The following SNX6 variants were observed in gnomAD, a reference collection of about 807,000 sequenced individuals.
SNX6 encodes sorting nexin-6.
SNX6 carries 34 observed loss-of-function variants against 63.0 expected under a neutral mutation model. The observed-to-expected ratio is 0.54, with a 90% CI of 0.41 to 0.72. The LOEUF (loss-of-function observed/expected upper bound fraction) is 0.72, where lower values mean the gene tolerates loss of function less well. Ranked by LOEUF, SNX6 falls within the 30% of genes least tolerant of loss-of-function variation. SNX6 has a pLI of 0.00. For missense variants in SNX6, 398 were observed against 471.4 expected, an observed-to-expected ratio of 0.84 and a Z score of 1.44; for synonymous variants, 170 against 164.2, an observed-to-expected ratio of 1.04 and a Z score of -0.27.
intron 11 of SNX6, chr14:34,568,792 AT>A: frequency 1.3e-5 from 13 of 979,872 alleles, no homozygotes; most frequent in Non-Finnish European, 2.1e-5. Flanking sequence ...CTTTTCCACC[AT>A]TTTTAGCCCC....
intron 2 of SNX6, chr14:34,629,422 A>G (rs1424661778): frequency 6.6e-6 from 3 of 455,816 alleles, no homozygotes; most frequent in Non-Finnish European, 1.3e-5. Flanking sequence ...TTCGGCTACT[A>G]TAAAAATCCT....
At chr14:34,573,847 T>C (rs532535331) in intron 11 of SNX6, among the ~76,000 whole-genome samples, 2 of 151,734 alleles carry the variant, frequency 1.3e-5, no homozygotes, top group Admixed American at 6.6e-5. Flanking sequence ...TTCACTATGT[T>C]GGCCAGGCTG....
chr14:34,609,851 C>T, intron 2 of SNX6, 109 bp from the exon 3 acceptor site: 1 of 714,826 alleles, frequency 1.4e-6, no homozygotes, highest in Non-Finnish European at 2.3e-6. Context: ...ATTATTAAGT[C>T]TAAAGAGGTA....
chr14:34,575,860 AT>A lies in SNX6; in HGVS notation c.835-19del, dbSNP rs770427700. 6.9e-7 allele frequency: 1 copy of A among 1,457,624 alleles called. No individual in the cohort carries two copies. Among genetic ancestry groups the A allele is most frequent in the South Asian group, 1.2e-5 (1 of 81,624 alleles). 90.3% of individuals were successfully genotyped at this position (1,457,624 alleles called of 1,614,324 possible). On this transcript the variant is annotated intron_variant, in intron 10 of 13. Coordinates refer to ENST00000362031, the MANE Select transcript of SNX6 (RefSeq NM_152233.4). Reference sequence around the variant, plus strand: ...TCTATTTTCTGAAAAGAAGGAAAAAATTGAATATTTAATCAACAACTACATT... The same window carrying A: ...TCTATTTTCTGAAAAGAAGGAAAAAATGAATATTTAATCAACAACTACATT...
chr14:34,628,519 C>T (rs1883915343), intron 2 of SNX6, among the ~76,000 whole-genome samples: 1 of 152,038 alleles, frequency 6.6e-6, no homozygotes, highest in African/African-American at 2.4e-5. Context: ...GTCCCAGCTA[C>T]TTGGGAGGCT....
chr14:34,617,746 C>A (rs1048604576), intron 2 of SNX6, among the ~76,000 whole-genome samples: 10 of 151,974 alleles, frequency 6.6e-5, no homozygotes, highest in South Asian at 4.2e-4. Flanking sequence ...ACGGTGAAAC[C>A]CCGTCTCTAC....
chr14:34,582,422 G>C (rs368128112), intron 9 of SNX6, among the ~76,000 whole-genome samples: 2 of 151,890 alleles, frequency 1.3e-5, no homozygotes, highest in South Asian at 2.1e-4. Context: ...GCCCAGGCTC[G>C]TCTTGGACTC....
chr14:34,609,506 T>C, intron 3 of SNX6, 132 bp downstream of exon 3: 1 of 243,310 alleles, frequency 4.1e-6, no homozygotes. Flanking sequence ...AAAAAAAAAG[T>C]ACATTTTCCT....
At position 34,581,559 on chromosome 14, in the gene SNX6, A is replaced by G; in HGVS notation, c.834+2T>C. The G allele has an allele frequency of 6.9e-7, 1 of 1,441,138 alleles. No individual in the cohort carries two copies. The highest frequency in any genetic ancestry group is 9.7e-7 in the Non-Finnish European group (1 of 1,029,874). The allele number at this position is 1,441,138 out of a possible 1,614,324, so 89.3% of individuals were successfully genotyped here. On this transcript the variant is annotated splice_donor_variant, in intron 10 of 13. Transcript: ENST00000362031. LOFTEE classifies it high-confidence loss of function. ...AGTATATCTCTATAATTTAGTACTT[A>G]CTCTTGTTTTATCGAACAGTTCTGA...
chr14:34,600,236 T>C (rs1882756933), intron 6 of SNX6, among the ~76,000 whole-genome samples: 1 of 152,186 alleles, frequency 6.6e-6, no homozygotes, highest in African/African-American at 2.4e-5. Flanking sequence ...GTGATTCTCA[T>C]GTCTCAGCCT....
At chr14:34,600,076 A>G (rs1882750516) in intron 6 of SNX6, among the ~76,000 whole-genome samples, 1 of 152,140 alleles carries the variant, frequency 6.6e-6, no homozygotes, top group Non-Finnish European at 1.5e-5. Flanking sequence ...TGCCTGGGAC[A>G]GCTTTCTAAA....
intron 2 of SNX6, among the ~76,000 whole-genome samples, chr14:34,610,196 AAAAAG>A (rs1170572722): frequency 4.0e-5 from 6 of 151,660 alleles, no homozygotes; most frequent in Non-Finnish European, 7.4e-5. Flanking sequence ...TTGAAAAAAA[AAAAAG>A]AAAAGAAAAT....
intron 9 of SNX6, among the ~76,000 whole-genome samples, chr14:34,582,198 C>A (rs1881968622): frequency 6.6e-6 from 1 of 150,812 alleles, no homozygotes; most frequent in African/African-American, 2.4e-5. Flanking sequence ...GCGGTGCAAC[C>A]TCAGCTCACT....
chr14:34,619,040 G>A (rs1883527234), intron 2 of SNX6, among the ~76,000 whole-genome samples: 1 of 152,252 alleles, frequency 6.6e-6, no homozygotes, highest in African/African-American at 2.4e-5. Context: ...GGAGGGAAGA[G>A]GAAAGAAAGA....
chr14:34,586,367 C>T (rs1746035457), intron 8 of SNX6, 62 bp from the exon 9 acceptor site: 7 of 1,020,120 alleles, frequency 6.9e-6, no homozygotes, highest in East Asian at 2.6e-5. Flanking sequence ...ACTTACTGAG[C>T]AATTACCTCT....
intron 2 of SNX6, 65 bp downstream of exon 2, chr14:34,629,842 C>G: frequency 6.5e-7 from 1 of 1,546,774 alleles, no homozygotes; most frequent in South Asian, 1.2e-5. Context: ...CCGTACCACA[C>G]CCGGGGACCC....
chr14:34,604,105 C>A, intron 5 of SNX6: 1 of 1,181,540 alleles, frequency 8.5e-7, no homozygotes. Context: ...CTTGCTTCAA[C>A]TACGTGCAAG....
At chr14:34,581,412 A>G (rs1203876533) in intron 10 of SNX6, 149 bp downstream of exon 10, 3 of 450,378 alleles carry the variant, frequency 6.7e-6, no homozygotes, top group African/African-American at 3.9e-5. Flanking sequence ...TTGGCCTCCC[A>G]AAGTGTTGGG....
chr14:34,568,547 G>T, intron 11 of SNX6: 1 of 531,834 alleles, frequency 1.9e-6, no homozygotes, highest in Non-Finnish European at 3.4e-6. Context: ...TGTTGCCCAG[G>T]CAGGTCTCAA....
Sources: allele counts gnomAD v4.1 joint callset (sites outside exome capture counted in the v4.1 genomes callset), GRCh38; gene constraint gnomAD v4.1.1; transcripts MANE v1.5; gene names NCBI Gene and HGNC (gene_info 2026-07-23, HGNC 2026-07-21).